The following C18orf63 variants were observed in gnomAD, a reference collection of about 807,000 sequenced individuals.
C18orf63 encodes uncharacterized protein C18orf63.
C18orf63 carries 50 observed loss-of-function variants against 75.3 expected under a neutral mutation model. That is an observed-to-expected ratio of 0.66 (90% CI 0.53 to 0.84). The LOEUF is 0.84. Ranked by LOEUF, C18orf63 falls within the 40% of genes least tolerant of loss-of-function variation. C18orf63 has a pLI of 0.00. For missense variants in C18orf63, 732 were observed against 800.2 expected, an observed-to-expected ratio of 0.91 and a Z score of 1.03; for synonymous variants, 232 against 267.6, an observed-to-expected ratio of 0.87 and a Z score of 1.30.
intron 12 of C18orf63, 56 bp from the exon 13 acceptor site, chr18:74,354,401 G>T: frequency 1.6e-6 from 2 of 1,248,484 alleles, no homozygotes; most frequent in South Asian, 2.8e-5. Context: ...ACCCTAGAGC[G>T]ACTGTAAGTC....
intron 7 of C18orf63, among the ~76,000 whole-genome samples, chr18:74,336,261 C>G (rs1244793329): frequency 2.0e-5 from 3 of 151,818 alleles, no homozygotes; most frequent in African/African-American, 7.2e-5. Flanking sequence ...ATTTGTATGT[C>G]CCATAGAGCC....
chr18:74,354,695 C>T (rs1984734249), intron 13 of C18orf63, 149 bp downstream of exon 13: 3 of 569,296 alleles, frequency 5.3e-6, no homozygotes, highest in African/African-American at 3.8e-5. Context: ...ATGGTGGGAA[C>T]AGTTCACTCC....
rs114810069 is a variant in C18orf63, at chr18:74,333,853, C to T, written c.501+2911C>T. Among the ~76,000 whole-genome samples, 840 of 152,288 alleles carry T rather than the reference C, an allele frequency of 5.5e-3. 7 individuals carry two copies. The highest frequency in any genetic ancestry group is 0.031 in the Middle Eastern group (9 of 294). ...CACCAAAAATTGGGCAATAACATTC[C>T]TCTCCTCTATTCAACATTATACACT... On this transcript the variant is annotated intron_variant, in intron 7 of 13. Transcript: ENST00000579455.
chr18:74,354,613 TC>T, intron 13 of C18orf63, 67 bp downstream of exon 13: 1 of 716,978 alleles, frequency 1.4e-6, no homozygotes, highest in Non-Finnish European at 2.2e-6. Flanking sequence ...AGTTTAGGGG[TC>T]CCCAACCTCT....
chr18:74,338,438 C>A (rs12966033), intron 7 of C18orf63, among the ~76,000 whole-genome samples: 77,638 of 149,800 alleles, frequency 0.52, 20,473 homozygotes, highest in Non-Finnish European at 0.58. Context: ...ATTAAAAAAA[C>A]CACCTGAAAA....
chr18:74,320,961 G>T (rs1984110727), intron 3 of C18orf63, among the ~76,000 whole-genome samples: 1 of 152,020 alleles, frequency 6.6e-6, no homozygotes, highest in Non-Finnish European at 1.5e-5. Flanking sequence ...TGTTTTTAAA[G>T]AACTTGGATC....
intron 11 of C18orf63, among the ~76,000 whole-genome samples, chr18:74,351,217 AAGG>A (rs957523578): frequency 6.6e-6 from 1 of 152,174 alleles, no homozygotes; most frequent in African/African-American, 2.4e-5. Flanking sequence ...GTCAACATGG[AAGG>A]AGGAGTATTG....
At chr18:74,323,732 T>C (rs762759649) in intron 4 of C18orf63, among the ~76,000 whole-genome samples, 3 of 152,232 alleles carry the variant, frequency 2.0e-5, no homozygotes, top group Non-Finnish European at 2.9e-5. Context: ...ATTAATTTTG[T>C]TCAACGTTGT....
rs1984790027 is a variant in C18orf63, at chr18:74,357,606, A to T, written c.*1159A>T. 6.6e-6 allele frequency: 1 copy of T among 152,172 alleles called. No individual in the cohort carries two copies. The highest frequency in any genetic ancestry group is 1.5e-5 in the Non-Finnish European group (1 of 68,038). 9.4% of individuals were successfully genotyped at this position (152,172 alleles called of 1,614,324 possible). A position where few individuals can be genotyped will look rare whatever the true frequency, so the allele number is the denominator to read the frequency against. On this transcript the variant is annotated 3_prime_UTR_variant, in exon 14 of 14. Transcript: ENST00000579455. The stretch of plus-strand genomic sequence containing the variant: ...CACTAGAGATCCAAGTATAAGTTGA[A>T]CTCTGATTTTGTAAATGTGATTTAT...
At chr18:74,343,770 G>A in intron 11 of C18orf63, 68 bp downstream of exon 11, 1 of 1,052,538 alleles carries the variant, frequency 9.5e-7, no homozygotes. Flanking sequence ...TGAATCTCTT[G>A]TCTTCTGGGG....
At chr18:74,319,083 ACCC>A (rs1984075275) in intron 2 of C18orf63, among the ~76,000 whole-genome samples, 6 of 152,200 alleles carry the variant, frequency 3.9e-5, no homozygotes, top group Non-Finnish European at 7.3e-5. Context: ...GGGAGCCTGT[ACCC>A]TTCCTGCTAA....
chr18:74,331,263 A>G (rs1430113531), intron 7 of C18orf63, among the ~76,000 whole-genome samples: 1 of 152,144 alleles, frequency 6.6e-6, no homozygotes, highest in African/African-American at 2.4e-5. Flanking sequence ...TTCACCTCCA[A>G]ATATAAAAAG....
At chr18:74,323,653 C>G (rs1407268455) in intron 4 of C18orf63, among the ~76,000 whole-genome samples, 4 of 152,176 alleles carry the variant, frequency 2.6e-5, no homozygotes, top group African/African-American at 9.7e-5. Flanking sequence ...TAAGCAATCT[C>G]TACCATATTC....
At chr18:74,339,531 C>T (rs1176309686) in intron 8 of C18orf63, among the ~76,000 whole-genome samples, 2 of 152,106 alleles carry the variant, frequency 1.3e-5, no homozygotes, top group Non-Finnish European at 2.9e-5. Context: ...CTGTAGCTAA[C>T]ATCATACTCA....
chr18:74,321,666 A>G (rs1984125811), intron 3 of C18orf63, among the ~76,000 whole-genome samples: 1 of 152,082 alleles, frequency 6.6e-6, no homozygotes, highest in African/African-American at 2.4e-5. Flanking sequence ...CAGGTAAATT[A>G]ATATCTTATT....
rs142899188 is a variant in C18orf63, at chr18:74,321,553, C to A, written c.213+962C>A. Among the ~76,000 whole-genome samples the A allele has an allele frequency of 8.9e-3, 1,359 of 152,262 alleles. 10 individuals carry two copies. Among genetic ancestry groups the A allele is most frequent in the Non-Finnish European group, 0.015 (993 of 68,022 alleles). On this transcript the variant is annotated intron_variant, in intron 3 of 13. Coordinates refer to ENST00000579455, the MANE Select transcript of C18orf63 (RefSeq NM_001174123.2). ...CTCCTGAGCTCAAGCAATCCTCCCA[C>A]CTCGACCTCTCCAAGTGCTTAGATT...
At chr18:74,350,541 C>T (rs117453577) in intron 11 of C18orf63, among the ~76,000 whole-genome samples, 1,657 of 152,218 alleles carry the variant, frequency 0.011, 18 homozygotes, top group South Asian at 0.016. Flanking sequence ...GAAACAGGCC[C>T]GGAACAGATC....
At chr18:74,318,043 AC>A (rs2145112540) in intron 2 of C18orf63, 44 bp downstream of exon 2, 1 of 1,314,992 alleles carries the variant, frequency 7.6e-7, no homozygotes, top group Non-Finnish European at 1.0e-6. Flanking sequence ...AAACTTTGAG[AC>A]CTATAAAAGC....
chr18:74,335,752 GA>G (rs1984381481), intron 7 of C18orf63, among the ~76,000 whole-genome samples: 3 of 152,152 alleles, frequency 2.0e-5, no homozygotes, highest in Middle Eastern at 3.4e-3. Flanking sequence ...AGTGCTGATG[GA>G]AAACACCTTT....
Sources: gnomAD v4.1 joint callset for allele counts (sites outside exome capture counted in the v4.1 genomes callset) on GRCh38, gnomAD v4.1.1 for gene constraint, MANE v1.5 for transcripts, NCBI Gene and HGNC (gene_info 2026-07-23, HGNC 2026-07-21) for gene names.